The following CNTN5 variants were observed in gnomAD, a reference collection of about 807,000 sequenced individuals.
The protein encoded by CNTN5 is contactin 5, also known as contactin-5.
A neutral mutation model predicts 129.1 loss-of-function variants in CNTN5; 77 were observed. The observed-to-expected ratio is 0.60, with a 90% CI of 0.50 to 0.72. The LOEUF (loss-of-function observed/expected upper bound fraction) is 0.72. Ranked by LOEUF, CNTN5 falls within the 30% of genes least tolerant of loss-of-function variation. The pLI is 0.00. For missense variants in CNTN5, 1,478 were observed against 1,328.8 expected (o/e 1.11, Z -1.75); for synonymous variants, 509 against 465.6 (o/e 1.09, Z -1.20).
In CNTN5 at chr11:99,448,730, TTTTTATTTTATTTTATTTTATTTTA is replaced by T. The variant is rs57789569; in HGVS notation, c.-70-107375_-70-107351del. 3.5e-3 allele frequency among the ~76,000 whole-genome samples: 429 copies of T among 123,352 alleles called. 6 individuals carry two copies. Among genetic ancestry groups the T allele is most frequent in the Admixed American group, 0.027 (318 of 11,610 alleles). The allele number at this position is 123,352 out of a possible 152,430, so 80.9% of individuals were successfully genotyped here. A position where few individuals can be genotyped will look rare whatever the true frequency, so the allele number is the denominator to read the frequency against. ...TAATTTGCCTAAAATTGTACAATTG[TTTTTATTTTATTTTATTTTATTTTA>T]TTTTATTTTATTTTATTTTATTTTA... On this transcript the variant is annotated intron_variant, in intron 2 of 24. Coordinates refer to ENST00000524871, the MANE Select transcript of CNTN5 (RefSeq NM_014361.4).
At chr11:100,206,541 T>A (rs890471824) in intron 15 of CNTN5, among the ~76,000 whole-genome samples, 3 of 152,120 alleles carry the variant, frequency 2.0e-5, no homozygotes, top group Non-Finnish European at 4.4e-5. Context: ...AGTATACGTG[T>A]TTTACATAAA....
At chr11:99,026,592 T>C (rs745366760) in intron 1 of CNTN5, among the ~76,000 whole-genome samples, 1 of 151,610 alleles carries the variant, frequency 6.6e-6, no homozygotes, top group Non-Finnish European at 1.5e-5. Context: ...GATTTATTGA[T>C]GATTAATTGT....
chr11:99,948,200 A>G (rs1251868960), intron 7 of CNTN5, among the ~76,000 whole-genome samples: 2 of 152,174 alleles, frequency 1.3e-5, no homozygotes, highest in Non-Finnish European at 2.9e-5. Context: ...TTCATGGTAA[A>G]ATATTTGGAC....
At chr11:99,164,714 A>C (rs775658235) in intron 1 of CNTN5, among the ~76,000 whole-genome samples, 3 of 152,230 alleles carry the variant, frequency 2.0e-5, no homozygotes, top group Non-Finnish European at 4.4e-5. Flanking sequence ...ATGTAAAATA[A>C]TACATGAAAA....
At chr11:99,137,615 G>T (rs544507165) in intron 1 of CNTN5, among the ~76,000 whole-genome samples, 2 of 152,134 alleles carry the variant, frequency 1.3e-5, no homozygotes, top group African/African-American at 4.8e-5. Context: ...AAAGGTATAA[G>T]TATTCATAGT....
At chr11:99,185,154 G>GA (rs1377389093) in intron 1 of CNTN5, among the ~76,000 whole-genome samples, 3 of 151,554 alleles carry the variant, frequency 2.0e-5, no homozygotes, top group Non-Finnish European at 4.4e-5. Context: ...AACAAGAACA[G>GA]AAAAAAAGGA....
chr11:99,177,825 G>T (rs1415279265), intron 1 of CNTN5, among the ~76,000 whole-genome samples: 1 of 152,092 alleles, frequency 6.6e-6, no homozygotes, highest in East Asian at 1.9e-4. Flanking sequence ...CACAAATAAA[G>T]AAAATGAATT....
At chr11:100,326,661 C>T (rs1296095970) in intron 21 of CNTN5, among the ~76,000 whole-genome samples, 3 of 152,084 alleles carry the variant, frequency 2.0e-5, no homozygotes, top group East Asian at 1.9e-4. Context: ...TTGAGTGCCT[C>T]CATCTGCTAC....
chr11:99,364,491 G>C (rs1433208407), intron 2 of CNTN5, among the ~76,000 whole-genome samples: 1 of 151,980 alleles, frequency 6.6e-6, no homozygotes, highest in Non-Finnish European at 1.5e-5. Context: ...ATTTGGTCAG[G>C]GGAAATGGAT....
At chr11:99,179,971 C>G (rs752891368) in intron 1 of CNTN5, among the ~76,000 whole-genome samples, 1 of 152,148 alleles carries the variant, frequency 6.6e-6, no homozygotes, top group Non-Finnish European at 1.5e-5. Flanking sequence ...ATTATATTCT[C>G]TCTATATCTC....
intron 8 of CNTN5, among the ~76,000 whole-genome samples, chr11:99,957,855 T>G (rs922694189): frequency 1.3e-5 from 2 of 150,956 alleles, no homozygotes; most frequent in Non-Finnish European, 2.9e-5. Context: ...ACTTTGTTGT[T>G]TGCGTGTGTG....
chr11:99,416,442 G>A (rs904638111), intron 2 of CNTN5, among the ~76,000 whole-genome samples: 3 of 151,852 alleles, frequency 2.0e-5, no homozygotes, highest in Admixed American at 1.3e-4. Context: ...CACCATGCCT[G>A]GCTAATTTAT....
intron 2 of CNTN5, among the ~76,000 whole-genome samples, chr11:99,422,558 A>ATATATG (rs1942949886): frequency 8.0e-6 from 1 of 125,196 alleles, no homozygotes; most frequent in Admixed American, 8.3e-5. Flanking sequence ...ATATATATAT[A>ATATATG]TATCTGTATT....
At chr11:100,094,765 A>AGGAAAGG (rs1944931366) in intron 13 of CNTN5, among the ~76,000 whole-genome samples, 11 of 113,938 alleles carry the variant, frequency 9.7e-5, no homozygotes, top group Non-Finnish European at 1.3e-4. Context: ...GGGAGGGAGG[A>AGGAAAGG]AAGGAAGGAA....
chr11:100,337,240 G>A, intron 21 of CNTN5: 4 of 1,535,068 alleles, frequency 2.6e-6, no homozygotes, highest in Non-Finnish European at 3.6e-6. Flanking sequence ...GAAAGTGGCA[G>A]GCCACCTGAG....
intron 13 of CNTN5, among the ~76,000 whole-genome samples, chr11:100,115,115 T>TAAAAAAAAA (rs11388029): frequency 6.1e-3 from 476 of 77,648 alleles, no homozygotes; most frequent in East Asian, 0.011. Context: ...AGGTATACAG[T>TAAAAAAAAA]AAAAAAAAAA....
At chr11:99,869,359 T>A (rs1948440857) in intron 6 of CNTN5, among the ~76,000 whole-genome samples, 2 of 152,176 alleles carry the variant, frequency 1.3e-5, no homozygotes, top group African/African-American at 2.4e-5. Context: ...TATGGCCCTT[T>A]GTGTTATAGA....
At chr11:99,941,395 G>C (rs1383652969) in intron 7 of CNTN5, among the ~76,000 whole-genome samples, 4 of 151,810 alleles carry the variant, frequency 2.6e-5, no homozygotes, top group Non-Finnish European at 5.9e-5. Context: ...TTTACTGTCT[G>C]CATTTATTTT....
At chr11:100,311,258 A>G (rs1951467646) in intron 21 of CNTN5, among the ~76,000 whole-genome samples, 1 of 151,902 alleles carries the variant, frequency 6.6e-6, no homozygotes, top group South Asian at 2.1e-4. Context: ...TAGGCTATGA[A>G]AAAGATGAGA....
Sources: allele counts gnomAD v4.1 joint callset (sites outside exome capture counted in the v4.1 genomes callset), GRCh38; gene constraint gnomAD v4.1.1; transcripts MANE v1.5; gene names NCBI Gene and HGNC (gene_info 2026-07-23, HGNC 2026-07-21).